ARHGAP18: variants seen among roughly 807,000 people sequenced by gnomAD.
ARHGAP18 encodes the protein Rho GTPase activating protein 18.
Under a neutral mutation model 86.2 loss-of-function variants are expected in ARHGAP18, and 67 were observed. The ratio of observed to expected loss-of-function variants is 0.78; its 90% CI spans 0.64 to 0.95. The LOEUF is 0.95. ARHGAP18 is among the 40% of genes least tolerant of loss of function. The pLI is 0.00. For missense variants in ARHGAP18, 691 were observed against 780.4 expected, an observed-to-expected ratio of 0.89 and a Z score of 1.37; for synonymous variants, 283 against 280.4, an observed-to-expected ratio of 1.01 and a Z score of -0.09.
At chr6:129,629,593 C>A in intron 4 of ARHGAP18, 71 bp from the exon 5 acceptor site, 3 of 1,475,942 alleles carry the variant, frequency 2.0e-6, no homozygotes, top group South Asian at 2.7e-5. Context: ...CTAATGCATT[C>A]GCTACATAAA....
At chr6:129,583,952 A>G (rs1308415726) in intron 13 of ARHGAP18, 36 bp downstream of exon 13, 3 of 1,604,326 alleles carry the variant, frequency 1.9e-6, no homozygotes, top group Non-Finnish European at 1.7e-6. Context: ...CAAGTGACTT[A>G]TGCCATGGCA....
At chr6:129,615,533 A>G (rs1789078403) in intron 7 of ARHGAP18, among the ~76,000 whole-genome samples, 1 of 152,240 alleles carries the variant, frequency 6.6e-6, no homozygotes, top group African/African-American at 2.4e-5. Flanking sequence ...CTGTCCCAAG[A>G]AATTTCAGAA....
At chr6:129,673,450 A>T (rs1053072712) in intron 1 of ARHGAP18, among the ~76,000 whole-genome samples, 1 of 152,086 alleles carries the variant, frequency 6.6e-6, no homozygotes, top group Non-Finnish European at 1.5e-5. Flanking sequence ...GGTTTATTTT[A>T]AAAGTGTTTT....
chr6:129,610,971 A>T (rs1174947141), intron 8 of ARHGAP18, among the ~76,000 whole-genome samples: 1 of 152,040 alleles, frequency 6.6e-6, no homozygotes, highest in African/African-American at 2.4e-5. Flanking sequence ...ATGACAGCTC[A>T]CTGCCACATG....
At chr6:129,626,239 CTATGG>C (rs1237791917) in intron 5 of ARHGAP18, among the ~76,000 whole-genome samples, 1 of 151,104 alleles carries the variant, frequency 6.6e-6, no homozygotes, top group Non-Finnish European at 1.5e-5. Flanking sequence ...CTCTATACTA[CTATGG>C]TATGATTTCC....
At chr6:129,599,047 T>C (rs1788680602) in intron 12 of ARHGAP18, 169 bp downstream of exon 12, 2 of 528,010 alleles carry the variant, frequency 3.8e-6, no homozygotes, top group Non-Finnish European at 3.1e-6. Context: ...TCAATACTGA[T>C]CATTAGCAGC....
chr6:129,637,398 CCA>C (rs1304639122), intron 3 of ARHGAP18, among the ~76,000 whole-genome samples: 2 of 152,142 alleles, frequency 1.3e-5, no homozygotes, highest in Non-Finnish European at 1.5e-5. Context: ...TTCATCAATC[CCA>C]CAGTCTCTAC....
At chr6:129,598,939 G>C (rs1788677938) in intron 12 of ARHGAP18, 2 of 201,706 alleles carry the variant, frequency 9.9e-6, no homozygotes, top group Admixed American at 1.3e-4. Context: ...TAGGGGTGTA[G>C]GGGTGTGTGT....
At chr6:129,709,648 C>A (rs1295477312) in intron 1 of ARHGAP18, among the ~76,000 whole-genome samples, 2 of 152,222 alleles carry the variant, frequency 1.3e-5, no homozygotes, top group African/African-American at 4.8e-5. Flanking sequence ...ACTTTCCCAG[C>A]GAACAGTTCC....
At chr6:129,616,492 G>A (rs982265840) in intron 6 of ARHGAP18, among the ~76,000 whole-genome samples, 189 bp from the exon 7 acceptor site, 26 of 152,268 alleles carry the variant, frequency 1.7e-4, no homozygotes, top group African/African-American at 6.3e-4. Flanking sequence ...CTGCCTTATA[G>A]AGGAATGTAG....
Position 129,618,817 on chromosome 6 carries a change from T to C in ARHGAP18, c.822A>G (p.Thr274=), listed in dbSNP as rs1224007683. The C allele has an allele frequency of 3.7e-6, 6 of 1,613,112 alleles. No individual in the cohort carries two copies. Among genetic ancestry groups the C allele is most frequent in the Admixed American group, 3.3e-5 (2 of 59,940 alleles). Residue 274 remains threonine, a synonymous_variant, in exon 6 of 15, where the codon ACA becomes ACG. Transcript: ENST00000368149. ...FRLPKDKTGT[T]RIGDLAPQDM... ...CCTGGGGTGCGAGGTCACCAATCCT[T>C]GTGGTACCCGTTTTGTCTTTTGGCA...
At chr6:129,671,273 G>A (rs1422928530) in intron 1 of ARHGAP18, among the ~76,000 whole-genome samples, 1 of 152,124 alleles carries the variant, frequency 6.6e-6, no homozygotes, top group Non-Finnish European at 1.5e-5. Context: ...AAATGAAGTG[G>A]TCAACTGTTT....
chr6:129,646,691 T>C (rs1773587123), intron 1 of ARHGAP18, among the ~76,000 whole-genome samples: 1 of 152,240 alleles, frequency 6.6e-6, no homozygotes, highest in Non-Finnish European at 1.5e-5. Context: ...TCAAGCTTAA[T>C]AGAAGACATC....
Position 129,629,372 on chromosome 6 carries a change from C to T in ARHGAP18, c.767G>A (p.Gly256Asp), listed in dbSNP as rs1773137401. The part of the protein sequence containing the change: ...SSKEKIQKSK[G>D]DDATLPSFRL... ...ACGTACAGGTAATGTGGCATCATCGCCTTTGCTCTTCTGGATTTTCTCCTT... is the reference window on the plus strand; with the variant it reads ...ACGTACAGGTAATGTGGCATCATCGTCTTTGCTCTTCTGGATTTTCTCCTT... Residue 256 changes from glycine (G) to aspartate (D), a missense_variant, in exon 5 of 15, where the codon GGC becomes GAC. Coordinates refer to ENST00000368149, the MANE Select transcript of ARHGAP18 (RefSeq NM_033515.3). 6.2e-7 allele frequency: 1 copy of T among 1,613,374 alleles called. No individual in the cohort carries two copies. Among genetic ancestry groups the T allele is most frequent in the Admixed American group, 1.7e-5 (1 of 59,904 alleles).
intron 1 of ARHGAP18, 50 bp from the exon 2 acceptor site, chr6:129,642,068 T>A: frequency 6.5e-7 from 1 of 1,544,572 alleles, no homozygotes; most frequent in Non-Finnish European, 8.9e-7. Flanking sequence ...AAGGAAGCAG[T>A]ATAATTTCTA....
At position 129,686,800 on chromosome 6, in the gene ARHGAP18, T is replaced by G. The variant is rs577946489; in HGVS notation, c.113+23224A>C. On this transcript the variant is annotated intron_variant, in intron 1 of 14. Transcript: ENST00000368149. The stretch of plus-strand genomic sequence containing the variant: ...TCCCTAATAAAACCTTTTTTTTTTT[T>G]TTTTTTTGAGATGGAGTCTCGCTCT... 8.0e-4 allele frequency among the ~76,000 whole-genome samples: 118 copies of G among 146,664 alleles called. 1 individual carries two copies. Among genetic ancestry groups the G allele is most frequent in the African/African-American group, 2.8e-3 (114 of 40,044 alleles).
chr6:129,602,987 T>TTATA (rs34563210), intron 10 of ARHGAP18, among the ~76,000 whole-genome samples: 20,345 of 146,632 alleles, frequency 0.14, 1,529 homozygotes, highest in Middle Eastern at 0.18. Flanking sequence ...AATTTCCCCT[T>TTATA]TATATATATA....
chr6:129,633,178 T>C (rs1022507543), intron 4 of ARHGAP18, among the ~76,000 whole-genome samples: 1 of 151,314 alleles, frequency 6.6e-6, no homozygotes, highest in Non-Finnish European at 1.5e-5. Context: ...CTGTAATCCC[T>C]GCACTTTGGG....
At chr6:129,686,479 G>A (rs1774426152) in intron 1 of ARHGAP18, among the ~76,000 whole-genome samples, 1 of 152,184 alleles carries the variant, frequency 6.6e-6, no homozygotes, top group Admixed American at 6.5e-5. Flanking sequence ...AAGATATGAG[G>A]ATAGAGGTTC....
Sources: allele counts gnomAD v4.1 joint callset (sites outside exome capture counted in the v4.1 genomes callset), GRCh38; gene constraint gnomAD v4.1.1; transcripts MANE v1.5; gene names NCBI Gene and HGNC (gene_info 2026-07-23, HGNC 2026-07-21).